The following AEBP1 variants were observed in gnomAD, a reference collection of about 807,000 sequenced individuals.
AEBP1 encodes adipocyte enhancer-binding protein 1.
A neutral mutation model predicts 116.5 loss-of-function variants in AEBP1; 69 were observed. The observed-to-expected ratio is 0.59, with a 90% CI of 0.49 to 0.72. The LOEUF is 0.72. Ranked by LOEUF, AEBP1 falls within the 30% of genes least tolerant of loss-of-function variation. The probability of loss-of-function intolerance (pLI) is 0.00; values close to 1 mark genes in which losing one functional copy is unlikely to be tolerated. For synonymous variants in AEBP1, 627 were observed against 627.3 expected (o/e 1.00, Z 0.01); for missense variants, 1,444 against 1,557.5 (o/e 0.93, Z 1.23).
chr7:44,112,241 GA>G lies in AEBP1; in HGVS notation c.2138del (p.Glu713GlyfsTer50). ...PDLNSVLWGAEERKWVPYRVP... is the reference protein window; with the variant it reads ...PDLNSVLWGAXERKWVPYRVP... Reference sequence around the variant, plus strand: ...TCTCAACTCTGTGCTCTGGGGAGCTGAGGAGAGGAAATGGGTCCCCTACCGG... The same window carrying G: ...TCTCAACTCTGTGCTCTGGGGAGCTGGGAGAGGAAATGGGTCCCCTACCGG... On this transcript the variant is annotated frameshift_variant, in exon 17 of 21. Coordinates refer to ENST00000223357, the MANE Select transcript of AEBP1 (RefSeq NM_001129.5). LOFTEE classifies it high-confidence loss of function. The surrounding 1 kb of genome is among the most constrained non-coding windows in gnomAD (Gnocchi z 6.6). 6.2e-7 allele frequency: 1 copy of G among 1,607,296 alleles called. No homozygotes were observed.
Position 44,111,743 on chromosome 7 carries a change from A to T in AEBP1, c.1841-111A>T, listed in dbSNP as rs916171051. On this transcript the variant is annotated intron_variant, in intron 15 of 20. Coordinates refer to ENST00000223357, the MANE Select transcript of AEBP1 (RefSeq NM_001129.5). The surrounding 1 kb of genome is among the most constrained non-coding windows in gnomAD (Gnocchi z 4.7). Reference sequence around the variant, plus strand: ...ATTCTGGCTTGTCTTACAGGGCCCTAGGAGCCCCAGCTGTCCCCCAGACCC... The same window carrying T: ...ATTCTGGCTTGTCTTACAGGGCCCTTGGAGCCCCAGCTGTCCCCCAGACCC... The T allele has an allele frequency of 1.3e-6, 2 of 1,540,612 alleles. No homozygotes were observed. Among genetic ancestry groups the T allele is most frequent in the South Asian group, 2.4e-5 (2 of 82,742 alleles).
rs753213462 is a variant in AEBP1, at chr7:44,106,782, C to T, written c.490C>T (p.Pro164Ser). 1.2e-6 allele frequency: 2 copies of T among 1,612,230 alleles called. No homozygotes were observed. Among genetic ancestry groups the T allele is most frequent in the South Asian group, 2.2e-5 (2 of 90,840 alleles). The stretch of plus-strand genomic sequence containing the variant: ...GAAGCCACCCAAGGCCACCAAGAAG[C>T]CCCCGTCAGGGAAGAGGCCCCCCAT... ...KEKPPKATKK[P>S]PSGKRPPILA... Residue 164 changes from proline (P) to serine (S), a missense_variant, in exon 2 of 21, where the codon CCC becomes TCC. Physicochemically the swap from Pro to Ser is moderately conservative, Grantham distance 74 (BLOSUM62 -1). Transcript: ENST00000223357.
Position 44,107,548 on chromosome 7 carries a change from G to C in AEBP1, c.667+38G>C. ...CATCCGCCTGGCCTTGGGGCCAGCT[G>C]CCCTGGCTGGTTGGACTGAGGGCTT... On this transcript the variant is annotated intron_variant, in intron 3 of 20. Transcript: ENST00000223357. The surrounding 1 kb of genome is among the most constrained non-coding windows in gnomAD (Gnocchi z 4.3). The C allele has an allele frequency of 6.2e-7, 1 of 1,613,232 alleles. No individual in the cohort carries two copies. Among genetic ancestry groups the C allele is most frequent in the East Asian group, 2.2e-5 (1 of 44,868 alleles).
chr7:44,109,750 G>A, intron 9 of AEBP1: 1 of 578,066 alleles, frequency 1.7e-6, no homozygotes, highest in Non-Finnish European at 3.1e-6. Context: ...CCTGAGAGCT[G>A]GGCATGGTCA....
At position 44,106,799 on chromosome 7, in the gene AEBP1, G is replaced by T. The variant is rs200698594; in HGVS notation, c.507G>T (p.Arg169Ser). The change falls in exon 2 of 21, where the codon AGG becomes AGT. Residue 169 changes from arginine to serine, a missense_variant. Arg to Ser is a moderately radical substitution (Grantham distance 110). Coordinates refer to ENST00000223357, the MANE Select transcript of AEBP1 (RefSeq NM_001129.5). ...KATKKPPSGK[R>S]PPILAPSETL... is the part of the protein sequence containing the mutation. ...CCAAGAAGCCCCCGTCAGGGAAGAGGCCCCCCATTCTGGCTCCCTCAGAAA... is the reference window on the plus strand; with the variant it reads ...CCAAGAAGCCCCCGTCAGGGAAGAGTCCCCCCATTCTGGCTCCCTCAGAAA... 2 of 1,610,928 alleles carry T rather than the reference G, an allele frequency of 1.2e-6. No homozygotes were observed. The highest frequency in any genetic ancestry group is 2.7e-5 in the African/African-American group (2 of 74,660).
chr7:44,109,983 G>C (rs954459766), intron 9 of AEBP1, 32 bp from the exon 10 acceptor site: 3 of 1,588,032 alleles, frequency 1.9e-6, no homozygotes, highest in Non-Finnish European at 2.6e-6. Context: ...GATGGAGCTA[G>C]TGAGCCACCA....
chr7:44,113,513 G>GT lies in AEBP1; in HGVS notation c.2810-81_2810-80insT. On this transcript the variant is annotated intron_variant, in intron 20 of 20. Coordinates refer to ENST00000223357, the MANE Select transcript of AEBP1 (RefSeq NM_001129.5). The surrounding 1 kb of genome is among the most constrained non-coding windows in gnomAD (Gnocchi z 5.3). ...GGGCGGGAACTCAGAGGGGGAGGGC[G>GT]GGGCTGGGGGCAGGACTGAGTGGGA... 1 of 1,343,410 alleles carries GT rather than the reference G, an allele frequency of 7.4e-7. No individual in the cohort carries two copies. Among genetic ancestry groups the GT allele is most frequent in the Non-Finnish European group, 9.6e-7 (1 of 1,037,478 alleles). 83.2% of individuals were successfully genotyped at this position (1,343,410 alleles called of 1,614,324 possible).
chr7:44,112,974 T>C lies in AEBP1; in HGVS notation c.2570-17T>C. 6.2e-7 allele frequency: 1 copy of C among 1,613,872 alleles called. No homozygotes were observed. Among genetic ancestry groups the C allele is most frequent in the Non-Finnish European group, 8.5e-7 (1 of 1,179,946 alleles). On this transcript the variant is annotated splice_polypyrimidine_tract_variant and intron_variant, in intron 18 of 20. Coordinates refer to ENST00000223357, the MANE Select transcript of AEBP1 (RefSeq NM_001129.5). This position sits in a 1 kb window ranked among gnomAD's most constrained non-coding sequence, Gnocchi z 6.6. ...CGGAGAGGGGCTGACTTTGGGTCTG[T>C]ATCTGTCCCCGGCCAGCTATCAATG...
Position 44,108,883 on chromosome 7 carries a change from C to T in AEBP1, c.941-16C>T. 1 of 1,563,980 alleles carries T rather than the reference C, an allele frequency of 6.4e-7. No homozygotes were observed. Among genetic ancestry groups the T allele is most frequent in the Non-Finnish European group, 8.7e-7 (1 of 1,154,946 alleles). ...GCAGGGTCAGGGCAGCCTCAGCTGG[C>T]TCTCCCTCCCCATAGTGGACTATTA... On this transcript the variant is annotated splice_polypyrimidine_tract_variant and intron_variant, in intron 6 of 20. Coordinates refer to ENST00000223357, the MANE Select transcript of AEBP1 (RefSeq NM_001129.5). The surrounding 1 kb of genome is among the most constrained non-coding windows in gnomAD (Gnocchi z 5.0).
rs755138533 is a variant in AEBP1 at position 44,114,287 on chromosome 7, C to T, written c.*26C>T. The T allele has an allele frequency of 1.3e-5, 21 of 1,610,092 alleles. No homozygotes were observed. The East Asian group carries it at 4.5e-4, about 34-fold the overall frequency. ...GATCAGCGTCCTACCAAGACCCCAGCCCAACTCAAGCTACAGCAGCAGCAC... is the reference window on the plus strand; with the variant it reads ...GATCAGCGTCCTACCAAGACCCCAGTCCAACTCAAGCTACAGCAGCAGCAC... On this transcript the variant is annotated 3_prime_UTR_variant, in exon 21 of 21. Transcript: ENST00000223357.
At chr7:44,104,945 G>C in intron 1 of AEBP1, 27 bp downstream of exon 1, 2 of 1,499,798 alleles carry the variant, frequency 1.3e-6, no homozygotes, top group South Asian at 2.5e-5. Flanking sequence ...GGGCGGGGGT[G>C]TGGGGGGCTG....
Position 44,112,276 on chromosome 7 carries a change from C to CA in AEBP1, c.2174dup (p.Asn725LysfsTer2). 6 of 1,586,602 alleles carry CA rather than the reference C, an allele frequency of 3.8e-6. No individual in the cohort carries two copies. The highest frequency in any genetic ancestry group is 4.3e-6 in the Non-Finnish European group (5 of 1,163,606). ...AATGGGTCCCCTACCGGGTCCCCAA[C>CA]AATAACTTGCCCATCCCTGAACGCT... On this transcript the variant is annotated frameshift_variant, in exon 17 of 21. Transcript: ENST00000223357. LOFTEE classifies it high-confidence loss of function. This position sits in a 1 kb window ranked among gnomAD's most constrained non-coding sequence, Gnocchi z 6.6.
At position 44,111,171 on chromosome 7, in the gene AEBP1, G is replaced by C. The variant is rs376114999; in HGVS notation, c.1648G>C (p.Ala550Pro). 2.0e-6 allele frequency: 3 copies of C among 1,531,330 alleles called. No individual in the cohort carries two copies. Among genetic ancestry groups the C allele is most frequent in the Non-Finnish European group, 1.8e-6 (2 of 1,138,314 alleles). The allele number at this position is 1,531,330 out of a possible 1,614,324, so 94.9% of individuals were successfully genotyped here. The change falls in exon 14 of 21, where the codon GCA becomes CCA. Residue 550 changes from alanine (A) to proline (P), a missense_variant. Coordinates refer to ENST00000223357, the MANE Select transcript of AEBP1 (RefSeq NM_001129.5). The surrounding 1 kb of genome is among the most constrained non-coding windows in gnomAD (Gnocchi z 4.7). ...CCTTGCAGCTGTCTACAGCTACTACGCACAGAATGAGGTGGTGGCCACCGA... is the reference window on the plus strand; with the variant it reads ...CCTTGCAGCTGTCTACAGCTACTACCCACAGAATGAGGTGGTGGCCACCGA... ...CSVAPVYSYY[A>P]QNEVVATDDL...
At chr7:44,109,011 G>A (rs1458676386) in intron 7 of AEBP1, 35 bp downstream of exon 7, 2 of 1,606,300 alleles carry the variant, frequency 1.2e-6, no homozygotes, top group Admixed American at 1.7e-5. Context: ...CACCAGGCCT[G>A]CCCTGAAGGC....
chr7:44,107,691 T>A lies in AEBP1; in HGVS notation c.730T>A (p.Tyr244Asn). Reference protein sequence around the residue: ...DYNDQIEREDYEDFEYIRRQK... With the variant: ...DYNDQIEREDNEDFEYIRRQK... The stretch of plus-strand genomic sequence containing the variant: ...CAATGACCAGATCGAGAGGGAGGAC[T>A]ATGAGGACTGTGAGTAGGGTCCTGC... The change falls in exon 4 of 21, where the codon TAT (tyrosine) becomes AAT (asparagine). Residue 244 changes from tyrosine (Y) to asparagine (N), a missense_variant. Physicochemically the swap from Tyr to Asn is moderately radical, Grantham distance 143. Coordinates refer to ENST00000223357, the MANE Select transcript of AEBP1 (RefSeq NM_001129.5). The surrounding 1 kb of genome is among the most constrained non-coding windows in gnomAD (Gnocchi z 4.3). 1 of 1,613,470 alleles carries A rather than the reference T, an allele frequency of 6.2e-7. No individual in the cohort carries two copies. Among genetic ancestry groups the A allele is most frequent in the Non-Finnish European group, 8.5e-7 (1 of 1,179,930 alleles).
Position 44,104,900 on chromosome 7 carries a change from C to A in AEBP1, c.235C>A (p.Pro79Thr). The A allele has an allele frequency of 6.5e-7, 1 of 1,546,410 alleles. No individual in the cohort carries two copies. The highest frequency in any genetic ancestry group is 1.2e-5 in the South Asian group (1 of 84,350). The change falls in exon 1 of 21, where the codon CCA becomes ACA. Residue 79 changes from proline (P) to threonine (T), a missense_variant. Physicochemically the swap from Pro to Thr is conservative, Grantham distance 38 (BLOSUM62 -1). Coordinates refer to ENST00000223357, the MANE Select transcript of AEBP1 (RefSeq NM_001129.5). ...AQAGGKPGKRPGTAAEVPPEK... is the reference protein window; with the variant it reads ...AQAGGKPGKRTGTAAEVPPEK... ...GGCGGGGGGCAAGCCAGGGAAGCGG[C>A]CAGGGACGGCCGCAGAAGGTAAGAG... is the stretch of plus-strand genomic sequence containing the variant.
Position 44,114,177 on chromosome 7 carries a change from G to A in AEBP1, c.3393G>A (p.Glu1131=), listed in dbSNP as rs755315332. 1.7e-5 allele frequency: 27 copies of A among 1,612,754 alleles called. No homozygotes were observed. Among genetic ancestry groups the A allele is most frequent in the Middle Eastern group, 1.6e-4 (1 of 6,078 alleles). The part of the protein sequence containing the change: ...LEPEFEEEEE[E]EKEEEIATGQ... ...CCGAGTTTGAGGAAGAGGAGGAGGA[G>A]GAGAAAGAGGAGGAGATAGCCACTG... The change falls in exon 21 of 21, where the codon GAG becomes GAA. Residue 1131 remains glutamate (E), a synonymous_variant. Transcript: ENST00000223357.
rs1238069675 is a variant in AEBP1 at position 44,110,956 on chromosome 7, A to G, written c.1529A>G (p.Glu510Gly). ...NVDKDTPVLSELPEPVVARFI... is the reference protein window; with the variant it reads ...NVDKDTPVLSGLPEPVVARFI... ...GACAAGGACACACCCGTGCTGAGTG[A>G]GCTCCCAGAGCCGGTGGTGGCTCGT... Residue 510 changes from glutamate to glycine, a missense_variant, in exon 13 of 21, where the codon GAG becomes GGG. Transcript: ENST00000223357. 3.1e-6 allele frequency: 5 copies of G among 1,613,926 alleles called. No individual in the cohort carries two copies. The highest frequency in any genetic ancestry group is 4.2e-6 in the Non-Finnish European group (5 of 1,179,990).
At chr7:44,104,973 A>T in intron 1 of AEBP1, 55 bp downstream of exon 1, 6 of 1,396,906 alleles carry the variant, frequency 4.3e-6, no homozygotes, top group Non-Finnish European at 5.7e-6. Flanking sequence ...AGGTGGGAAC[A>T]GGGGGATTCG....
Sources: gnomAD v4.1 joint callset for allele counts on GRCh38, gnomAD v4.1.1 for gene constraint, Gnocchi (gnomAD v3.1) non-coding constraint, MANE v1.5 for transcripts, NCBI Gene and HGNC (gene_info 2026-07-23, HGNC 2026-07-21) for gene names.